Variants in FAM90A1 observed in about 807,000 individuals in gnomAD.
FAM90A1 encodes the protein family with sequence similarity 90 member A1.
A neutral mutation model predicts 14.8 loss-of-function variants in FAM90A1; 10 were observed. That is an observed-to-expected ratio of 0.67 (90% CI 0.42 to 1.14). The LOEUF (loss-of-function observed/expected upper bound fraction) is 1.14, where lower values mean the gene tolerates loss of function less well. Among genes scored for constraint, FAM90A1 ranks in the 50% most tolerant of loss-of-function variants. FAM90A1 has a pLI of 0.00. For synonymous variants in FAM90A1, 236 were observed against 248.4 expected, an observed-to-expected ratio of 0.95 and a Z score of 0.47; for missense variants, 567 against 602.8, an observed-to-expected ratio of 0.94 and a Z score of 0.62.
chr12:8,225,787 C>G (rs1278537844), intron 3 of FAM90A1, 49 bp downstream of exon 3: 1 of 152,042 alleles, frequency 6.6e-6, no homozygotes, highest in Admixed American at 6.5e-5. Context: ...CTTTTCCCCC[C>G]CACCCCTCAG....
At position 8,222,568 on chromosome 12, in the gene FAM90A1, G is replaced by A. The variant is rs757604764; in HGVS notation, c.649C>T (p.His217Tyr). 8 of 1,612,018 alleles carry A rather than the reference G, an allele frequency of 5.0e-6. No individual in the cohort carries two copies. In the East Asian group the frequency reaches 1.8e-4, roughly 36 times the overall value. ...ACGAGGAGAGGCTCGGGGCCCTGGT[G>A]CCTGACTGCAGTCTGAGGGATGTCG... ...AADIPQTAVRHQGPEPLLVVK... is the reference protein window; with the variant it reads ...AADIPQTAVRYQGPEPLLVVK... The change falls in exon 7 of 7, where the codon CAC (histidine) becomes TAC (tyrosine). Residue 217 changes from histidine to tyrosine, a missense_variant. Physicochemically the swap from His to Tyr is moderately conservative, Grantham distance 83 (BLOSUM62 2). Coordinates refer to ENST00000538603, the MANE Select transcript of FAM90A1 (RefSeq NM_018088.3).
In FAM90A1 at chr12:8,222,715, G is replaced by A. The variant is rs751831434; in HGVS notation, c.502C>T (p.Arg168Cys). 3.7e-6 allele frequency: 6 copies of A among 1,606,306 alleles called. No homozygotes were observed. The highest frequency in any genetic ancestry group is 3.3e-5 in the South Asian group (3 of 91,002). ...CTGTCAGACATTTCGGTAGCTGAGC[G>A]ATCAGAGAGGACAGGGTCCACACGC... ...RPRVDPVLSD[R>C]SATEMSDRGS... The change falls in exon 7 of 7, where the codon CGC (arginine) becomes TGC (cysteine). Residue 168 changes from arginine (R) to cysteine (C), a missense_variant. Arg to Cys is a radical substitution (Grantham distance 180). Coordinates refer to ENST00000538603, the MANE Select transcript of FAM90A1 (RefSeq NM_018088.3).
In FAM90A1 at chr12:8,221,469, G is replaced by A. The variant is rs375326275; in HGVS notation, c.*353C>T. ...TCCCTAACTTTTCCCTTATTCAGTC[G>A]TCTAGAGAGCAAATACACAGTAATT... On this transcript the variant is annotated 3_prime_UTR_variant, in exon 7 of 7. Transcript: ENST00000538603. 1,606 of 398,950 alleles carry A rather than the reference G, an allele frequency of 4.0e-3. 10 individuals carry two copies. Among genetic ancestry groups the A allele is most frequent in the Middle Eastern group, 0.015 (19 of 1,230 alleles). 24.7% of individuals were successfully genotyped at this position (398,950 alleles called of 1,614,324 possible). A position where few individuals can be genotyped will look rare whatever the true frequency, so the allele number is the denominator to read the frequency against.
intron 3 of FAM90A1, 67 bp from the exon 4 acceptor site, chr12:8,224,955 A>G (rs1194869285): frequency 1.3e-5 from 16 of 1,259,760 alleles, no homozygotes; most frequent in Non-Finnish European, 2.3e-6. Flanking sequence ...ACCCACAGGA[A>G]GCCCCCCGCT....
rs201435525 is a variant in FAM90A1 at position 8,222,380 on chromosome 12, G to A, written c.837C>T (p.Gly279=). 6 of 1,611,678 alleles carry A rather than the reference G, an allele frequency of 3.7e-6. No homozygotes were observed. The highest frequency in any genetic ancestry group is 1.3e-5 in the African/African-American group (1 of 74,848). ...GCCCGAAGCTGAGATTGGAGCCTAGGCCCAAGCTGTGTGTGGCGGCTGGTG... is the reference window on the plus strand; with the variant it reads ...GCCCGAAGCTGAGATTGGAGCCTAGACCCAAGCTGTGTGTGGCGGCTGGTG... ...PCPPAATHSL[G]LGSNLSFGPG... is the part of the protein sequence containing the mutation. Residue 279 remains glycine, a synonymous_variant, in exon 7 of 7, where the codon GGC becomes GGT. Transcript: ENST00000538603.
At chr12:8,223,823 C>G (rs956803852) in intron 5 of FAM90A1, among the ~76,000 whole-genome samples, 193 bp downstream of exon 5, 55 of 152,320 alleles carry the variant, frequency 3.6e-4, no homozygotes, top group Admixed American at 8.5e-4. Flanking sequence ...CGCCCCTCCC[C>G]GTCCCTGAAT....
In FAM90A1 at chr12:8,222,121, T is replaced by G; in HGVS notation, c.1096A>C (p.Ser366Arg). 1 of 1,611,838 alleles carries G rather than the reference T, an allele frequency of 6.2e-7. No homozygotes were observed. Among genetic ancestry groups the G allele is most frequent in the East Asian group, 2.2e-5 (1 of 44,882 alleles). ...TGGGCAGTAGGCAGGCAAGGTCTGC[T>G]GTGCGGAGGCTGCCGGTCGCCGCTA... ...VLSGDRQPPH[S>R]RPCLPTAQAC... Residue 366 changes from serine (S) to arginine (R), a missense_variant, in exon 7 of 7, where the codon AGC becomes CGC. By Grantham distance (110) the Ser-to-Arg change is moderately radical. Transcript: ENST00000538603.
At position 8,221,603 on chromosome 12, in the gene FAM90A1, A is replaced by C. The variant is rs1400318170; in HGVS notation, c.*219T>G. 2 of 617,138 alleles carry C rather than the reference A, an allele frequency of 3.2e-6. No homozygotes were observed. The highest frequency in any genetic ancestry group is 5.6e-6 in the Non-Finnish European group (2 of 355,806). 38.2% of individuals were successfully genotyped at this position (617,138 alleles called of 1,614,324 possible). On this transcript the variant is annotated 3_prime_UTR_variant, in exon 7 of 7. Coordinates refer to ENST00000538603, the MANE Select transcript of FAM90A1 (RefSeq NM_018088.3). The stretch of plus-strand genomic sequence containing the variant: ...AGCTTTTCCTGGCGCGTTTCCAGAG[A>C]ACCATGCGAACTACAATGTCCCTCA...
At chr12:8,226,048 C>G (rs1188784559) in intron 2 of FAM90A1, 56 bp from the exon 3 acceptor site, 1 of 152,072 alleles carries the variant, frequency 6.6e-6, no homozygotes, top group Non-Finnish European at 1.5e-5. Context: ...TTACAATTAA[C>G]TTAATCCAAT....
chr12:8,224,958 C>A (rs1948913617), intron 3 of FAM90A1, 70 bp from the exon 4 acceptor site: 1 of 1,241,790 alleles, frequency 8.1e-7, no homozygotes. Flanking sequence ...CACAGGAAGC[C>A]CCCCGCTAAT....
chr12:8,227,390 G>A, intron 1 of FAM90A1, 90 bp downstream of exon 1: 1 of 373,156 alleles, frequency 2.7e-6, no homozygotes, highest in Non-Finnish European at 4.9e-6. Flanking sequence ...GCTGTGTCAG[G>A]GCAGCGGGAG....
Position 8,224,836 on chromosome 12 carries a change from C to T in FAM90A1, c.-4G>A, listed in dbSNP as rs750022261. 41 of 1,604,762 alleles carry T rather than the reference C, an allele frequency of 2.6e-5. No homozygotes were observed. The highest frequency in any genetic ancestry group is 1.0e-4 in the Admixed American group (6 of 59,694). Reference sequence around the variant, plus strand: ...TGGGGTCACGACGTGCCATCATCTTCGTCTCCTGGGGGTTTTATGACCGCC... The same window carrying T: ...TGGGGTCACGACGTGCCATCATCTTTGTCTCCTGGGGGTTTTATGACCGCC... On this transcript the variant is annotated 5_prime_UTR_variant, in exon 4 of 7. Coordinates refer to ENST00000538603, the MANE Select transcript of FAM90A1 (RefSeq NM_018088.3).
In FAM90A1 at chr12:8,221,917, A is replaced by G. The variant is rs1470576816; in HGVS notation, c.1300T>C (p.Ser434Pro). 1 of 1,596,326 alleles carries G rather than the reference A, an allele frequency of 6.3e-7. No homozygotes were observed. Among genetic ancestry groups the G allele is most frequent in the African/African-American group, 1.3e-5 (1 of 74,836 alleles). ...LAQSPHVSEK[S>P]EGPCVRVPPS... ...GGGACACGAACACAGGGACCCTCAG[A>G]CTTCTCTGAGACATGAGGGCTCTGA... Residue 434 changes from serine to proline, a missense_variant, in exon 7 of 7, where the codon TCT becomes CCT. Physicochemically the swap from Ser to Pro is moderately conservative, Grantham distance 74. Coordinates refer to ENST00000538603, the MANE Select transcript of FAM90A1 (RefSeq NM_018088.3).
intron 4 of FAM90A1, 75 bp from the exon 5 acceptor site, chr12:8,224,290 G>A (rs1591639013): frequency 8.7e-6 from 11 of 1,265,724 alleles, no homozygotes; most frequent in Middle Eastern, 2.7e-4. Context: ...ACATTGAGAC[G>A]GATTGTGAAT....
At chr12:8,222,987 AGC>A (rs1948868282) in intron 6 of FAM90A1, among the ~76,000 whole-genome samples, 1 of 152,252 alleles carries the variant, frequency 6.6e-6, no homozygotes, top group South Asian at 2.1e-4. Flanking sequence ...AGCTATGTGT[AGC>A]TGATCTAAGC....
Position 8,222,338 on chromosome 12 carries a change from A to T in FAM90A1, c.879T>A (p.Ser293=). ...NLSFGPGAKR[S]APAPIQACLN... ...GGCAAGCCTGAATCGGAGCCGGGGC[A>T]GATCTCTTGGCTCCTGGCCCGAAGC... The change falls in exon 7 of 7, where the codon TCT becomes TCA. Residue 293 remains serine (S), a synonymous_variant. Transcript: ENST00000538603. 1 of 1,611,688 alleles carries T rather than the reference A, an allele frequency of 6.2e-7. No homozygotes were observed. Among genetic ancestry groups the T allele is most frequent in the Non-Finnish European group, 8.5e-7 (1 of 1,179,906 alleles).
In FAM90A1 at chr12:8,222,315, C is replaced by G. The variant is rs762027619; in HGVS notation, c.902G>C (p.Cys301Ser). ...TCTCGGTTTCTTGGGGAAGTTCAGG[C>G]AAGCCTGAATCGGAGCCGGGGCAGA... is the stretch of plus-strand genomic sequence containing the variant. ...KRSAPAPIQA[C>S]LNFPKKPRLG... The change falls in exon 7 of 7, where the codon TGC (cysteine) becomes TCC (serine). Residue 301 changes from cysteine (C) to serine (S), a missense_variant. Physicochemically the swap from Cys to Ser is moderately radical, Grantham distance 112. Transcript: ENST00000538603. 17 of 1,611,554 alleles carry G rather than the reference C, an allele frequency of 1.1e-5. No individual in the cohort carries two copies. In the Middle Eastern group the frequency reaches 6.8e-4, roughly 64 times the overall value.
intron 1 of FAM90A1, 112 bp downstream of exon 1, chr12:8,227,368 T>G: frequency 1.3e-5 from 4 of 316,180 alleles, no homozygotes; most frequent in Admixed American, 4.4e-5. Flanking sequence ...ACCTGCGCCA[T>G]GTGATCTGGG....
At position 8,222,179 on chromosome 12, in the gene FAM90A1, G is replaced by C. The variant is rs1478401109; in HGVS notation, c.1038C>G (p.Pro346=). The C allele has an allele frequency of 1.3e-6, 2 of 1,563,432 alleles. No homozygotes were observed. Among genetic ancestry groups the C allele is most frequent in the Non-Finnish European group, 8.7e-7 (1 of 1,145,736 alleles). The change falls in exon 7 of 7, where the codon CCC becomes CCG. Residue 346 remains proline, a synonymous_variant. Coordinates refer to ENST00000538603, the MANE Select transcript of FAM90A1 (RefSeq NM_018088.3). ...GGGCGGGTGTCCTCGTGCCTGTCTGGGGTGACGTACGTGGTCCAAGTTCGG... is the reference window on the plus strand; with the variant it reads ...GGGCGGGTGTCCTCGTGCCTGTCTGCGGTGACGTACGTGGTCCAAGTTCGG... ...AATELGPRTS[P]QTGTRTPAQV... is the part of the protein sequence containing the mutation.
Sources: allele counts gnomAD v4.1 joint callset (sites outside exome capture counted in the v4.1 genomes callset), GRCh38; gene constraint gnomAD v4.1.1; transcripts MANE v1.5; gene names NCBI Gene and HGNC (gene_info 2026-07-23, HGNC 2026-07-21).